ZBTB48: variants seen among roughly 807,000 people sequenced by gnomAD.
ZBTB48 encodes zinc finger and BTB domain containing 48.
Under a neutral mutation model 64.5 loss-of-function variants are expected in ZBTB48, and 35 were observed. That is an observed-to-expected ratio of 0.54 (90% CI 0.41 to 0.72). The LOEUF (loss-of-function observed/expected upper bound fraction) is 0.72. Among genes scored for constraint, ZBTB48 ranks in the 30% least tolerant of loss-of-function variants. ZBTB48 has a pLI of 0.00. For synonymous variants in ZBTB48, 442 were observed against 356.7 expected (o/e 1.24, Z -2.70); for missense variants, 828 against 895.3 (o/e 0.92, Z 0.96).
At chr1:6,582,750 G>C (rs1365208941) in intron 3 of ZBTB48, among the ~76,000 whole-genome samples, 1 of 152,236 alleles carries the variant, frequency 6.6e-6, no homozygotes, top group East Asian at 1.9e-4. Context: ...GTTCACTCTG[G>C]GGTGTCAGTG....
At chr1:6,583,602 T>A (rs1557820317) in intron 3 of ZBTB48, among the ~76,000 whole-genome samples, 1 of 148,618 alleles carries the variant, frequency 6.7e-6, no homozygotes, top group Admixed American at 6.7e-5. Flanking sequence ...CCCAGCCTGT[T>A]ATTTTTTTTT....
intron 9 of ZBTB48, 31 bp from the exon 10 acceptor site, chr1:6,588,725 A>C (rs1406880929): frequency 3.7e-6 from 6 of 1,613,664 alleles, no homozygotes. Flanking sequence ...GGGCTCCTGC[A>C]TGATCCCCCA....
intron 6 of ZBTB48, 50 bp downstream of exon 6, chr1:6,587,341 G>A (rs1640708618): frequency 2.5e-6 from 4 of 1,613,226 alleles, no homozygotes; most frequent in Non-Finnish European, 3.4e-6. Flanking sequence ...ATGAGCAAGA[G>A]TGAGCTGTGC....
In ZBTB48 at chr1:6,584,324, C is replaced by T. The variant is rs779759513; in HGVS notation, c.933-1595C>T. On this transcript the variant is annotated intron_variant, in intron 3 of 10. Coordinates refer to ENST00000377674, the MANE Select transcript of ZBTB48 (RefSeq NM_005341.4). The surrounding 1 kb of genome is among the most constrained non-coding windows in gnomAD (Gnocchi z 4.5). ...ACCACGTGTCTCCTGGTGGCTGAAT[C>T]GGGCAGTGCTGACATAGCACATTTC... Among the ~76,000 whole-genome samples, 9 of 152,272 alleles carry T rather than the reference C, an allele frequency of 5.9e-5. No individual in the cohort carries two copies. The highest frequency in any genetic ancestry group is 1.0e-4 in the Non-Finnish European group (7 of 68,052).
At chr1:6,586,828 C>T (rs749365600) in intron 5 of ZBTB48, 41 bp downstream of exon 5, 13 of 1,590,080 alleles carry the variant, frequency 8.2e-6, no homozygotes, top group Non-Finnish European at 4.3e-6. Context: ...TTGGGTGGCC[C>T]CAGGATCCTT....
Position 6,582,150 on chromosome 1 carries a change from C to G in ZBTB48, c.783C>G (p.Ile261Met). Residue 261 changes from isoleucine (I) to methionine (M), a missense_variant, in exon 3 of 11, where the codon ATC (isoleucine) becomes ATG (methionine). By Grantham distance (10) the Ile-to-Met change is conservative. Transcript: ENST00000377674. ...TGACCAGGAGGAAGTCAAATGTAATCCGAAAGCCCTGTGCAGCTGAGCCAG... is the reference window on the plus strand; with the variant it reads ...TGACCAGGAGGAAGTCAAATGTAATGCGAAAGCCCTGTGCAGCTGAGCCAG... Reference protein sequence around the residue: ...AVLTRRKSNVIRKPCAAEPAL... With the variant: ...AVLTRRKSNVMRKPCAAEPAL... 1 of 1,614,212 alleles carries G rather than the reference C, an allele frequency of 6.2e-7. No homozygotes were observed. Among genetic ancestry groups the G allele is most frequent in the Non-Finnish European group, 8.5e-7 (1 of 1,180,046 alleles).
intron 3 of ZBTB48, chr1:6,585,590 TG>T (rs1392629856): frequency 2.4e-5 from 7 of 287,382 alleles, no homozygotes; most frequent in African/African-American, 1.3e-4. Context: ...TTTGAAGCTC[TG>T]GGAAGACTGA....
At chr1:6,585,663 C>T in intron 3 of ZBTB48, 1 of 495,896 alleles carries the variant, frequency 2.0e-6, no homozygotes, top group Non-Finnish European at 3.7e-6. Flanking sequence ...ATGCGGTCAG[C>T]TGGGCCTCCC....
chr1:6,586,504 G>A (rs916207716), intron 4 of ZBTB48, 191 bp from the exon 5 acceptor site: 6 of 1,228,280 alleles, frequency 4.9e-6, no homozygotes, highest in Non-Finnish European at 6.5e-6. Context: ...AGAAGGGCCT[G>A]GTGTGCGGTG....
At chr1:6,582,030 C>A (rs1227037857) in intron 2 of ZBTB48, 28 bp from the exon 3 acceptor site, 2 of 1,605,982 alleles carry the variant, frequency 1.2e-6, no homozygotes, top group Admixed American at 3.3e-5. Context: ...GGTGACGCCA[C>A]CCCCTCCTGC....
chr1:6,586,282 A>G, intron 4 of ZBTB48: 1 of 531,724 alleles, frequency 1.9e-6, no homozygotes, highest in South Asian at 2.6e-5. Flanking sequence ...CCCCTGGCCC[A>G]CCTCCACCTT....
In ZBTB48 at chr1:6,580,101, G is replaced by T. The variant is rs2148681215; in HGVS notation, c.-105G>T. ...TGGGCTGTGGAGGCGACGGAGCAGG[G>T]GGCCAGTGGGGCCAGCTCAGGGAGG... On this transcript the variant is annotated 5_prime_UTR_variant, in exon 1 of 11. Coordinates refer to ENST00000377674, the MANE Select transcript of ZBTB48 (RefSeq NM_005341.4). The surrounding 1 kb of genome is among the most constrained non-coding windows in gnomAD (Gnocchi z 5.2). 1 of 190,178 alleles carries T rather than the reference G, an allele frequency of 5.3e-6. No homozygotes were observed. Among genetic ancestry groups the T allele is most frequent in the Non-Finnish European group, 1.1e-5 (1 of 90,202 alleles). The allele number at this position is 190,178 out of a possible 1,614,324, so 11.8% of individuals were successfully genotyped here.
At chr1:6,583,603 ATT>A (rs147175046) in intron 3 of ZBTB48, among the ~76,000 whole-genome samples, 23 of 108,574 alleles carry the variant, frequency 2.1e-4, no homozygotes, top group Non-Finnish European at 2.4e-4. Flanking sequence ...CCAGCCTGTT[ATT>A]TTTTTTTTTT....
Position 6,581,373 on chromosome 1 carries a change from C to A in ZBTB48, c.690+74C>A, listed in dbSNP as rs1640451934. The A allele has an allele frequency of 2.1e-6, 3 of 1,435,694 alleles. No individual in the cohort carries two copies. The African/African-American group carries it at 4.3e-5, about 21-fold the overall frequency. 88.9% of individuals were successfully genotyped at this position (1,435,694 alleles called of 1,614,324 possible). A position where few individuals can be genotyped will look rare whatever the true frequency, so the allele number is the denominator to read the frequency against. Reference sequence around the variant, plus strand: ...ACACTTTTTTGGTATAATAGGGACCCTGGGCTGGGTGTGATGGCTCACTCA... The same window carrying A: ...ACACTTTTTTGGTATAATAGGGACCATGGGCTGGGTGTGATGGCTCACTCA... On this transcript the variant is annotated intron_variant, in intron 2 of 10. Coordinates refer to ENST00000377674, the MANE Select transcript of ZBTB48 (RefSeq NM_005341.4).
rs904161027 is a variant in ZBTB48, at chr1:6,584,469, C to T, written c.933-1450C>T. Among the ~76,000 whole-genome samples the T allele has an allele frequency of 2.6e-5, 4 of 152,232 alleles. No individual in the cohort carries two copies. Among genetic ancestry groups the T allele is most frequent in the African/African-American group, 7.2e-5 (3 of 41,458 alleles). ...CACTCCCAGCCAAGACATCACTAGT[C>T]TATCATGGTGTGTTTTCTTGCCATG... On this transcript the variant is annotated intron_variant, in intron 3 of 10. Transcript: ENST00000377674. The surrounding 1 kb of genome is among the most constrained non-coding windows in gnomAD (Gnocchi z 4.5).
intron 3 of ZBTB48, among the ~76,000 whole-genome samples, chr1:6,583,903 C>A (rs1160443334): frequency 6.6e-6 from 1 of 151,708 alleles, no homozygotes; most frequent in Non-Finnish European, 1.5e-5. Context: ...CCTCAGCCTC[C>A]TGAGTAGCTG....
rs549375724 is a variant in ZBTB48 at position 6,582,211 on chromosome 1, G to A, written c.844G>A (p.Glu282Lys). The stretch of plus-strand genomic sequence containing the variant: ...GGGCTCCCTAGCAGCTGAGCCTGCT[G>A]AGAACAGAAAAGGTACAGCGGTGCC... ...SAGSLAAEPA[E>K]NRKGTAVPVE... Residue 282 changes from glutamate (E) to lysine (K), a missense_variant, in exon 3 of 11, where the codon GAG becomes AAG. Coordinates refer to ENST00000377674, the MANE Select transcript of ZBTB48 (RefSeq NM_005341.4). 25 of 1,614,202 alleles carry A rather than the reference G, an allele frequency of 1.5e-5. No individual in the cohort carries two copies. The African/African-American group carries it at 3.3e-4, about 22-fold the overall frequency.
chr1:6,588,855 G>C lies in ZBTB48; in HGVS notation c.1770+11G>C. 6.2e-7 allele frequency: 1 copy of C among 1,614,046 alleles called. No homozygotes were observed. The highest frequency in any genetic ancestry group is 8.5e-7 in the Non-Finnish European group (1 of 1,180,012). On this transcript the variant is annotated intron_variant, in intron 10 of 10. Transcript: ENST00000377674. Reference sequence around the variant, plus strand: ...AAGTTTACCCGACAGGTAGGCCAGGGCCTGGGCCCCTTCCCCTACCCTAGG... The same window carrying C: ...AAGTTTACCCGACAGGTAGGCCAGGCCCTGGGCCCCTTCCCCTACCCTAGG...
Position 6,588,814 on chromosome 1 carries a change from C to T in ZBTB48, c.1740C>T (p.Cys580=). The T allele has an allele frequency of 6.2e-7, 1 of 1,614,164 alleles. No individual in the cohort carries two copies. The highest frequency in any genetic ancestry group is 8.5e-7 in the Non-Finnish European group (1 of 1,180,038). The part of the protein sequence containing the change: ...RRHKGVRKFE[C]TECGYKFTRQ... ...ACAAGGGGGTGAGGAAGTTTGAGTG[C>T]ACCGAGTGTGGCTACAAGTTTACCC... Residue 580 remains cysteine, a synonymous_variant, in exon 10 of 11, where the codon TGC becomes TGT. Coordinates refer to ENST00000377674, the MANE Select transcript of ZBTB48 (RefSeq NM_005341.4).
Sources: gnomAD v4.1 joint callset for allele counts (sites outside exome capture counted in the v4.1 genomes callset) on GRCh38, gnomAD v4.1.1 for gene constraint, Gnocchi (gnomAD v3.1) non-coding constraint, MANE v1.5 for transcripts, NCBI Gene and HGNC (gene_info 2026-07-23, HGNC 2026-07-21) for gene names.